Variants in ZBTB14 observed in about 807,000 individuals in gnomAD.
ZBTB14 encodes the protein zinc finger and BTB domain containing 14.
ZBTB14 carries 8 observed loss-of-function variants against 29.5 expected under a neutral mutation model. The ratio of observed to expected loss-of-function variants is 0.27; its 90% confidence interval spans 0.16 to 0.49. The LOEUF (loss-of-function observed/expected upper bound fraction) is 0.49. Ranked by LOEUF, ZBTB14 falls within the 20% of genes least tolerant of loss-of-function variation. ZBTB14 has a pLI of 0.99. For synonymous variants in ZBTB14, 226 were observed against 207.2 expected, an observed-to-expected ratio of 1.09 and a Z score of -0.78; for missense variants, 333 against 563.8, an observed-to-expected ratio of 0.59 and a Z score of 4.15.
chr18:5,292,316 C>G, intron 3 of ZBTB14, 112 bp from the exon 4 acceptor site: 1 of 943,870 alleles, frequency 1.1e-6, no homozygotes, highest in Non-Finnish European at 1.5e-6. Context: ...TTCAGAAAGT[C>G]AATGTTAAGA....
rs769890363 is a variant in ZBTB14, at chr18:5,289,790, G to C, written c.*1068C>G. The stretch of plus-strand genomic sequence containing the variant: ...GCTGTCTACTTTTTACTTGAAATAC[G>C]TAAGACCAACACTACTATTTACACA... On this transcript the variant is annotated 3_prime_UTR_variant, in exon 4 of 4. Transcript: ENST00000651870. 1 of 152,542 alleles carries C rather than the reference G, an allele frequency of 6.6e-6. No homozygotes were observed. Among genetic ancestry groups the C allele is most frequent in the African/African-American group, 2.4e-5 (1 of 41,412 alleles). The allele number at this position is 152,542 out of a possible 1,614,324, so 9.4% of individuals were successfully genotyped here.
chr18:5,296,517 C>T (rs932664099), upstream of ZBTB14, among the ~76,000 whole-genome samples: 10 of 151,592 alleles, frequency 6.6e-5, no homozygotes, highest in African/African-American at 2.4e-4. Flanking sequence ...CGGGGCTCTG[C>T]CGCGTCTCGG....
At position 5,291,353 on chromosome 18, in the gene ZBTB14, C is replaced by T. The variant is rs760818543; in HGVS notation, c.855G>A (p.Thr285=). The part of the protein sequence containing the change: ...EQIACQACGK[T]FSDEGRLRKH... ...TCCTCAATCTGCCTTCATCAGAAAACGTCTTCCCACACGCCTGGCAGGCAA... is the reference window on the plus strand; with the variant it reads ...TCCTCAATCTGCCTTCATCAGAAAATGTCTTCCCACACGCCTGGCAGGCAA... Residue 285 remains threonine (T), a synonymous_variant, in exon 4 of 4, where the codon ACG becomes ACA. Coordinates refer to ENST00000651870, the MANE Select transcript of ZBTB14 (RefSeq NM_001243702.2). This position sits in a 1 kb window ranked among gnomAD's most constrained non-coding sequence, Gnocchi z 5.8. The T allele has an allele frequency of 1.4e-5, 23 of 1,614,220 alleles. No individual in the cohort carries two copies. Among genetic ancestry groups the T allele is most frequent in the Non-Finnish European group, 1.7e-5 (20 of 1,180,042 alleles).
At position 5,290,947 on chromosome 18, in the gene ZBTB14, T is replaced by C; in HGVS notation, c.1261A>G (p.Ser421Gly). The change falls in exon 4 of 4, where the codon AGT becomes GGT. Residue 421 changes from serine (S) to glycine (G), a missense_variant. Coordinates refer to ENST00000651870, the MANE Select transcript of ZBTB14 (RefSeq NM_001243702.2). ...MHSERKQVTPSAIQSETEQLQ... is the reference protein window; with the variant it reads ...MHSERKQVTPGAIQSETEQLQ... ...TGTTCTGTCTCGCTCTGGATGGCAC[T>C]GGGGGTAACCTGCTTCCTTTCACTG... 1 of 1,614,290 alleles carries C rather than the reference T, an allele frequency of 6.2e-7. No homozygotes were observed. Among genetic ancestry groups the C allele is most frequent in the Non-Finnish European group, 8.5e-7 (1 of 1,180,058 alleles).
At chr18:5,294,225 G>A (rs1038657384) in intron 1 of ZBTB14, among the ~76,000 whole-genome samples, 2 of 152,224 alleles carry the variant, frequency 1.3e-5, no homozygotes, top group Non-Finnish European at 2.9e-5. Flanking sequence ...TGAAGTTTGA[G>A]GTTAGGCAAC....
Position 5,291,890 on chromosome 18 carries a change from G to A in ZBTB14, c.318C>T (p.Asn106=). Residue 106 remains asparagine, a synonymous_variant, in exon 4 of 4, where the codon AAC becomes AAT. Coordinates refer to ENST00000651870, the MANE Select transcript of ZBTB14 (RefSeq NM_001243702.2). The surrounding 1 kb of genome is among the most constrained non-coding windows in gnomAD (Gnocchi z 5.8). The part of the protein sequence containing the change: ...AKISVKKEDV[N]LMMSSGQILG... Reference sequence around the variant, plus strand: ...GAATCTGACCCGATGACATCATTAAGTTAACATCTTCTTTTTTCACGGAAA... The same window carrying A: ...GAATCTGACCCGATGACATCATTAAATTAACATCTTCTTTTTTCACGGAAA... The A allele has an allele frequency of 6.2e-7, 1 of 1,614,176 alleles. No homozygotes were observed. The highest frequency in any genetic ancestry group is 1.6e-4 in the Middle Eastern group (1 of 6,062).
rs935802396 is a variant in ZBTB14 at position 5,289,388 on chromosome 18, ATTACT to A, written c.*1465_*1469del. The A allele has an allele frequency of 1.5e-4, 23 of 152,370 alleles. No individual in the cohort carries two copies. The highest frequency in any genetic ancestry group is 1.1e-3 in the Admixed American group (17 of 15,310). 9.4% of individuals were successfully genotyped at this position (152,370 alleles called of 1,614,324 possible). A position where few individuals can be genotyped will look rare whatever the true frequency, so the allele number is the denominator to read the frequency against. ...TTAATGCAACAAGCTATGAAGTGAA[ATTACT>A]TTAATTTTTTTAAAAGAAATCCTAG... On this transcript the variant is annotated 3_prime_UTR_variant, in exon 4 of 4. Coordinates refer to ENST00000651870, the MANE Select transcript of ZBTB14 (RefSeq NM_001243702.2).
chr18:5,291,371 G>A lies in ZBTB14; in HGVS notation c.837C>T (p.Cys279=), dbSNP rs753898579. Residue 279 remains cysteine (C), a synonymous_variant, in exon 4 of 4, where the codon TGC becomes TGT. Coordinates refer to ENST00000651870, the MANE Select transcript of ZBTB14 (RefSeq NM_001243702.2). This position sits in a 1 kb window ranked among gnomAD's most constrained non-coding sequence, Gnocchi z 5.8. ...CAGAAAACGTCTTCCCACACGCCTG[G>A]CAGGCAATCTGCTCCCGATGGTGAC... ...LYGHHREQIA[C]QACGKTFSDE... is the part of the protein sequence containing the mutation. The A allele has an allele frequency of 3.1e-6, 5 of 1,614,190 alleles. No individual in the cohort carries two copies. In the Admixed American group the frequency reaches 5.0e-5, roughly 16 times the overall value.
Position 5,290,448 on chromosome 18 carries a change from T to C in ZBTB14, c.*410A>G, listed in dbSNP as rs1567904705. 6.2e-6 allele frequency: 1 copy of C among 161,072 alleles called. No individual in the cohort carries two copies. The highest frequency in any genetic ancestry group is 1.3e-5 in the Non-Finnish European group (1 of 74,154). 10.0% of individuals were successfully genotyped at this position (161,072 alleles called of 1,614,324 possible). A position where few individuals can be genotyped will look rare whatever the true frequency, so the allele number is the denominator to read the frequency against. ...TTTAAAGTTATTAAAACTGCTCTTT[T>C]GACCATAAGTCACATAGAATTGTGA... is the stretch of plus-strand genomic sequence containing the variant. On this transcript the variant is annotated 3_prime_UTR_variant, in exon 4 of 4. Transcript: ENST00000651870.
chr18:5,292,614 CTAGAGA>C (rs2071842020), intron 3 of ZBTB14, among the ~76,000 whole-genome samples: 1 of 152,204 alleles, frequency 6.6e-6, no homozygotes, highest in South Asian at 2.1e-4. Context: ...TGCTTCCTGA[CTAGAGA>C]TAATCAAATA....
chr18:5,291,512 C>A lies in ZBTB14; in HGVS notation c.696G>T (p.Gly232=). The change falls in exon 4 of 4, where the codon GGG becomes GGT. Residue 232 remains glycine, a synonymous_variant. Transcript: ENST00000651870. This position sits in a 1 kb window ranked among gnomAD's most constrained non-coding sequence, Gnocchi z 5.8. ...ATGTTAAGGCTTGAGGGGTCTGGGA[C>A]CCCAAGTCTTTTGATTCTGGGGTCT... The part of the protein sequence containing the change: ...SMETPESKDL[G]SQTPQALTFN... 1 of 1,614,152 alleles carries A rather than the reference C, an allele frequency of 6.2e-7. No individual in the cohort carries two copies. Among genetic ancestry groups the A allele is most frequent in the Non-Finnish European group, 8.5e-7 (1 of 1,180,030 alleles).
rs1322765260 is a variant in ZBTB14 at position 5,291,025 on chromosome 18, T to C, written c.1183A>G (p.Thr395Ala). Residue 395 changes from threonine (T) to alanine (A), a missense_variant, in exon 4 of 4, where the codon ACC becomes GCC. Physicochemically the swap from Thr to Ala is moderately conservative, Grantham distance 58. Coordinates refer to ENST00000651870, the MANE Select transcript of ZBTB14 (RefSeq NM_001243702.2). The surrounding 1 kb of genome is among the most constrained non-coding windows in gnomAD (Gnocchi z 5.8). Reference sequence around the variant, plus strand: ...TCAGATGCCTTGGCAAATGCCTTGGTGCAGGAGCCACACACAAAAGGCTTT... The same window carrying C: ...TCAGATGCCTTGGCAAATGCCTTGGCGCAGGAGCCACACACAAAAGGCTTT... Reference protein sequence around the residue: ...GEKPFVCGSCTKAFAKASDLK... With the variant: ...GEKPFVCGSCAKAFAKASDLK... 7 of 1,614,160 alleles carry C rather than the reference T, an allele frequency of 4.3e-6. No individual in the cohort carries two copies. Among genetic ancestry groups the C allele is most frequent in the Non-Finnish European group, 5.9e-6 (7 of 1,180,058 alleles).
intron 2 of ZBTB14, 48 bp from the exon 3 acceptor site, chr18:5,293,375 C>G: frequency 1.1e-6 from 1 of 941,908 alleles, no homozygotes; most frequent in Non-Finnish European, 1.6e-6. Context: ...TTCCTGTATC[C>G]CAAATCCTAA....
At chr18:5,292,836 T>C (rs2071847824) in intron 3 of ZBTB14, among the ~76,000 whole-genome samples, 2 of 152,228 alleles carry the variant, frequency 1.3e-5, no homozygotes, top group Admixed American at 1.3e-4. Context: ...GTTCTAGATT[T>C]TCCACAGCAC....
Position 5,291,605 on chromosome 18 carries a change from G to T in ZBTB14, c.603C>A (p.Ile201=). Residue 201 remains isoleucine (I), a synonymous_variant, in exon 4 of 4, where the codon ATC becomes ATA. Coordinates refer to ENST00000651870, the MANE Select transcript of ZBTB14 (RefSeq NM_001243702.2). This position sits in a 1 kb window ranked among gnomAD's most constrained non-coding sequence, Gnocchi z 5.8. ...CTTCCTCACTCCCCAGCTCTTTCAG[G>T]ATCGCTTCCTGAACCCTGAGCGTTG... is the stretch of plus-strand genomic sequence containing the variant. ...PTTTLRVQEA[I]LKELGSEEVR... 6.2e-7 allele frequency: 1 copy of T among 1,613,684 alleles called. No individual in the cohort carries two copies. Among genetic ancestry groups the T allele is most frequent in the Non-Finnish European group, 8.5e-7 (1 of 1,179,990 alleles).
chr18:5,292,302 C>G (rs1197721793), intron 3 of ZBTB14, 98 bp from the exon 4 acceptor site: 2 of 1,053,766 alleles, frequency 1.9e-6, no homozygotes, highest in African/African-American at 1.6e-5. Flanking sequence ...TGGAACCTAA[C>G]AATTTCAGAA....
rs780273813 is a variant in ZBTB14 at position 5,291,806 on chromosome 18, A to G, written c.402T>C (p.Asp134=). The change falls in exon 4 of 4, where the codon GAT becomes GAC. Residue 134 remains aspartate (D), a synonymous_variant. Transcript: ENST00000651870. The surrounding 1 kb of genome is among the most constrained non-coding windows in gnomAD (Gnocchi z 5.8). ...TACTTTTGGACTGACCATTGTTTTC[A>G]TCGGGACTGGACACATCACGCTTCT... The part of the protein sequence containing the change: ...CSQKRDVSSP[D]ENNGQSKSKY... The G allele has an allele frequency of 6.2e-7, 1 of 1,613,846 alleles. No homozygotes were observed.
In ZBTB14 at chr18:5,291,503, G is replaced by A. The variant is rs776734490; in HGVS notation, c.705C>T (p.Thr235=). The part of the protein sequence containing the change: ...TPESKDLGSQ[T]PQALTFNDGM... Reference sequence around the variant, plus strand: ...CATCATTAAATGTTAAGGCTTGAGGGGTCTGGGACCCCAAGTCTTTTGATT... The same window carrying A: ...CATCATTAAATGTTAAGGCTTGAGGAGTCTGGGACCCCAAGTCTTTTGATT... The change falls in exon 4 of 4, where the codon ACC becomes ACT. Residue 235 remains threonine (T), a synonymous_variant. Transcript: ENST00000651870. The surrounding 1 kb of genome is among the most constrained non-coding windows in gnomAD (Gnocchi z 5.8). 6.2e-7 allele frequency: 1 copy of A among 1,614,114 alleles called. No individual in the cohort carries two copies. Among genetic ancestry groups the A allele is most frequent in the South Asian group, 1.1e-5 (1 of 91,082 alleles).
upstream of ZBTB14, among the ~76,000 whole-genome samples, chr18:5,296,596 T>C (rs923893694): frequency 6.6e-6 from 1 of 151,994 alleles, no homozygotes; most frequent in African/African-American, 2.4e-5. Context: ...CCCACGGGTC[T>C]GCGGTCTTGC....
Sources: gnomAD v4.1 joint callset for allele counts (sites outside exome capture counted in the v4.1 genomes callset) on GRCh38, gnomAD v4.1.1 for gene constraint, Gnocchi (gnomAD v3.1) non-coding constraint, MANE v1.5 for transcripts, NCBI Gene and HGNC (gene_info 2026-07-23, HGNC 2026-07-21) for gene names.